Variants in BCAS3 observed in about 807,000 individuals in gnomAD.
BCAS3 encodes BCAS3 microtubule associated cell migration factor.
BCAS3 carries 53 observed loss-of-function variants against 116.1 expected under a neutral mutation model. The ratio of observed to expected loss-of-function variants is 0.46; its 90% CI spans 0.37 to 0.57. The LOEUF (loss-of-function observed/expected upper bound fraction) is 0.57. BCAS3 is among the 20% of genes least tolerant of loss of function. The pLI, the probability that BCAS3 is intolerant of heterozygous loss-of-function variation, is 0.00. For missense variants in BCAS3, 917 were observed against 1,165.4 expected, an observed-to-expected ratio of 0.79 and a Z score of 3.10; for synonymous variants, 391 against 408.2, an observed-to-expected ratio of 0.96 and a Z score of 0.51.
In BCAS3 at chr17:61,313,235, C is replaced by G. The variant is rs139924064; in HGVS notation, c.2426-55092C>G. On this transcript the variant is annotated intron_variant, in intron 22 of 23. Transcript: ENST00000407086. The surrounding 1 kb of genome is among the most constrained non-coding windows in gnomAD (Gnocchi z 4.3). ...AAGAGGAAACTAAGGTTCAAAGAAC[C>G]AATACTTTCTCAATGCCATATAACT... Among the ~76,000 whole-genome samples the G allele has an allele frequency of 5.9e-5, 9 of 152,266 alleles. No individual in the cohort carries two copies. In the East Asian group the frequency reaches 1.7e-3, roughly 29 times the overall value.
chr17:61,072,205 T>C (rs760572143), intron 19 of BCAS3, among the ~76,000 whole-genome samples: 16 of 152,154 alleles, frequency 1.1e-4, no homozygotes, highest in Non-Finnish European at 1.8e-4. Flanking sequence ...GCAGAGAGGA[T>C]CTTTCTCCCT....
intron 15 of BCAS3, among the ~76,000 whole-genome samples, chr17:61,006,532 T>C (rs932472561): frequency 1.3e-5 from 2 of 152,086 alleles, no homozygotes; most frequent in African/African-American, 4.8e-5. Context: ...ACAAAATTCA[T>C]TGTGAGGTAA....
At position 60,748,709 on chromosome 17, in the gene BCAS3, G is replaced by T. The variant is rs530552475; in HGVS notation, c.403+1430G>T. Among the ~76,000 whole-genome samples the T allele has an allele frequency of 8.6e-5, 13 of 152,024 alleles. No homozygotes were observed. In the East Asian group the frequency reaches 1.2e-3, roughly 14 times the overall value. ...TGTTCATCTTTTCTCAACTTTTAAG[G>T]CAGAAATATGTCTTGAAAATATCTA... On this transcript the variant is annotated intron_variant, in intron 6 of 23. Coordinates refer to ENST00000407086, the MANE Select transcript of BCAS3 (RefSeq NM_017679.5).
chr17:60,919,968 T>C (rs1039264736), intron 12 of BCAS3, among the ~76,000 whole-genome samples: 2 of 152,074 alleles, frequency 1.3e-5, no homozygotes, highest in Non-Finnish European at 1.5e-5. Flanking sequence ...CTAAGACATA[T>C]AAATATACAT....
chr17:61,007,815 C>CT lies in BCAS3; in HGVS notation c.1487-7935dup, dbSNP rs1350013378. ...TTTCTCAAAGTACCTACAGTAATGTCTATGGTGACGTGAACTTTTTACTCA... is the reference window on the plus strand; with the variant it reads ...TTTCTCAAAGTACCTACAGTAATGTCTTATGGTGACGTGAACTTTTTACTCA... On this transcript the variant is annotated intron_variant, in intron 15 of 23. Transcript: ENST00000407086. This position sits in a 1 kb window ranked among gnomAD's most constrained non-coding sequence, Gnocchi z 4.3. Among the ~76,000 whole-genome samples, 1 of 152,022 alleles carries CT rather than the reference C, an allele frequency of 6.6e-6. No homozygotes were observed. The highest frequency in any genetic ancestry group is 1.5e-5 in the Non-Finnish European group (1 of 68,000).
At position 60,770,343 on chromosome 17, in the gene BCAS3, C is replaced by T. The variant is rs1031789338; in HGVS notation, c.403+23064C>T. Among the ~76,000 whole-genome samples, 4 of 150,454 alleles carry T rather than the reference C, an allele frequency of 2.7e-5. No individual in the cohort carries two copies. In the East Asian group the frequency reaches 7.8e-4, roughly 29 times the overall value. On this transcript the variant is annotated intron_variant, in intron 6 of 23. Coordinates refer to ENST00000407086, the MANE Select transcript of BCAS3 (RefSeq NM_017679.5). ...CATAGTCCATCCCAGCTTCTCTCTC[C>T]TTACTTGTTACTTGCTTTTAGTCCT...
At chr17:61,322,944 C>G (rs1348579912) in intron 22 of BCAS3, among the ~76,000 whole-genome samples, 4 of 150,384 alleles carry the variant, frequency 2.7e-5, no homozygotes, top group African/African-American at 9.8e-5. Flanking sequence ...GTTTGAGCAC[C>G]CTGGGGTGAG....
In BCAS3 at chr17:61,352,934, C is replaced by G. The variant is rs1407093333; in HGVS notation, c.2426-15393C>G. On this transcript the variant is annotated intron_variant, in intron 22 of 23. Coordinates refer to ENST00000407086, the MANE Select transcript of BCAS3 (RefSeq NM_017679.5). This position sits in a 1 kb window ranked among gnomAD's most constrained non-coding sequence, Gnocchi z 4.7. Reference sequence around the variant, plus strand: ...CTTGTTTGCTTTAATGGAGTGTTAACCCCCGTCGCTGGAACTCATGTTAAT... The same window carrying G: ...CTTGTTTGCTTTAATGGAGTGTTAAGCCCCGTCGCTGGAACTCATGTTAAT... 6.6e-6 allele frequency among the ~76,000 whole-genome samples: 1 copy of G among 152,188 alleles called. No homozygotes were observed. The highest frequency in any genetic ancestry group is 1.5e-5 in the Non-Finnish European group (1 of 68,038).
chr17:61,277,843 A>T (rs1190920484), intron 22 of BCAS3, among the ~76,000 whole-genome samples: 1 of 152,196 alleles, frequency 6.6e-6, no homozygotes, highest in Non-Finnish European at 1.5e-5. Flanking sequence ...ATAGATAATA[A>T]CAAGTGTTGA....
At chr17:61,322,298 C>G (rs1305459509) in intron 22 of BCAS3, among the ~76,000 whole-genome samples, 1 of 152,208 alleles carries the variant, frequency 6.6e-6, no homozygotes, top group Non-Finnish European at 1.5e-5. Context: ...GTGCTTTGCT[C>G]AAATGCAGGG....
intron 22 of BCAS3, among the ~76,000 whole-genome samples, chr17:61,266,429 A>G (rs1480664473): frequency 6.6e-6 from 1 of 152,222 alleles, no homozygotes; most frequent in Non-Finnish European, 1.5e-5. Context: ...CATCCTGAGC[A>G]ATTTCATTTC....
intron 23 of BCAS3, among the ~76,000 whole-genome samples, chr17:61,369,357 A>T (rs576598567): frequency 3.3e-5 from 5 of 151,938 alleles, no homozygotes; most frequent in African/African-American, 1.2e-4. Flanking sequence ...TCCTCTCAAG[A>T]CTCTGTCACT....
rs888759191 is a variant in BCAS3, at chr17:61,326,596, G to A, written c.2426-41731G>A. ...TGTTATTTAGGAGGTAGATTCCACA[G>A]GGCTTTGTTACGGAGTGGACATGGG... is the stretch of plus-strand genomic sequence containing the variant. On this transcript the variant is annotated intron_variant, in intron 22 of 23. Transcript: ENST00000407086. The surrounding 1 kb of genome is among the most constrained non-coding windows in gnomAD (Gnocchi z 5.3). Among the ~76,000 whole-genome samples, 1 of 152,196 alleles carries A rather than the reference G, an allele frequency of 6.6e-6. No homozygotes were observed. Among genetic ancestry groups the A allele is most frequent in the African/African-American group, 2.4e-5 (1 of 41,442 alleles).
At chr17:60,917,434 T>C (rs2058830406) in intron 12 of BCAS3, among the ~76,000 whole-genome samples, 1 of 152,204 alleles carries the variant, frequency 6.6e-6, no homozygotes, top group Admixed American at 6.5e-5. Context: ...GTCTGGTTTA[T>C]TTCACTTAGC....
intron 7 of BCAS3, among the ~76,000 whole-genome samples, chr17:60,811,713 C>T (rs536349829): frequency 6.6e-6 from 1 of 152,220 alleles, no homozygotes; most frequent in Non-Finnish European, 1.5e-5. Flanking sequence ...ATATAAAACT[C>T]AAATGGAACT....
rs77897572 is a variant in BCAS3, at chr17:61,082,866, G to A, written c.2328-1601G>A. ...TTGTTAATCAGTATTTTCACCTTCC[G>A]GTAATAGATCATCCTATACCTCCCT... On this transcript the variant is annotated intron_variant, in intron 21 of 23. Transcript: ENST00000407086. The surrounding 1 kb of genome is among the most constrained non-coding windows in gnomAD (Gnocchi z 5.1). Among the ~76,000 whole-genome samples the A allele has an allele frequency of 8.5e-3, 1,296 of 152,182 alleles. 8 individuals carry two copies. Among genetic ancestry groups the A allele is most frequent in the Non-Finnish European group, 0.012 (807 of 68,012 alleles).
At chr17:61,101,798 G>A (rs1043653113) in intron 22 of BCAS3, among the ~76,000 whole-genome samples, 1 of 152,034 alleles carries the variant, frequency 6.6e-6, no homozygotes, top group East Asian at 1.9e-4. Context: ...ATAATATTTG[G>A]CTTTTTAATA....
At chr17:60,797,877 C>CA (rs949131452) in intron 6 of BCAS3, among the ~76,000 whole-genome samples, 22 of 152,028 alleles carry the variant, frequency 1.4e-4, no homozygotes, top group Admixed American at 6.6e-5. Flanking sequence ...CCCGTTTCTG[C>CA]AAAAAAATAC....
At chr17:60,763,010 G>A (rs546344028) in intron 6 of BCAS3, among the ~76,000 whole-genome samples, 22 of 152,232 alleles carry the variant, frequency 1.4e-4, no homozygotes, top group East Asian at 5.8e-4. Context: ...TGTTACTGGT[G>A]TATAAGAATG....
Sources: gnomAD v4.1 joint callset for allele counts (sites outside exome capture counted in the v4.1 genomes callset) on GRCh38, gnomAD v4.1.1 for gene constraint, Gnocchi (gnomAD v3.1) non-coding constraint, MANE v1.5 for transcripts, NCBI Gene and HGNC (gene_info 2026-07-23, HGNC 2026-07-21) for gene names.